The following ITSN1 variants were observed in gnomAD, a reference collection of about 807,000 sequenced individuals.
ITSN1 encodes the protein intersectin 1, also known as intersectin-1.
In ITSN1, 58 loss-of-function variants were observed where a neutral mutation model predicts 239.8. The observed-to-expected ratio is 0.24, with a 90% confidence interval of 0.20 to 0.30. ITSN1 has a LOEUF of 0.30. ITSN1 is among the 10% of genes least tolerant of loss of function. The pLI is 1.00. For synonymous variants in ITSN1, 780 were observed against 770.8 expected, an observed-to-expected ratio of 1.01 and a Z score of -0.20; for missense variants, 1,558 against 2,103.3, an observed-to-expected ratio of 0.74 and a Z score of 5.07.
chr21:33,823,596 A>G lies in ITSN1; in HGVS notation c.3126A>G (p.Thr1042=), dbSNP rs779378607. Residue 1042 remains threonine (T), a synonymous_variant, in exon 25 of 40, where the codon ACA becomes ACG. Coordinates refer to ENST00000381318, the MANE Select transcript of ITSN1 (RefSeq NM_003024.3). The part of the protein sequence containing the change: ...TKKDGDWWTG[T]VGDKAGVFPS... ...AAGATGGTGACTGGTGGACAGGAAC[A>G]GTGGGCGACAAGGCCGGAGTCTTCC... 2 of 1,614,124 alleles carry G rather than the reference A, an allele frequency of 1.2e-6. No homozygotes were observed. Among genetic ancestry groups the G allele is most frequent in the Admixed American group, 1.7e-5 (1 of 60,006 alleles).
intron 3 of ITSN1, among the ~76,000 whole-genome samples, chr21:33,721,628 T>C (rs370986407): frequency 1.3e-5 from 2 of 151,178 alleles, no homozygotes; most frequent in African/African-American, 4.9e-5. Context: ...AAACCCCGTC[T>C]CTACTAAAAA....
At chr21:33,743,791 G>A (rs1430627147) in intron 5 of ITSN1, among the ~76,000 whole-genome samples, 1 of 152,190 alleles carries the variant, frequency 6.6e-6, no homozygotes, top group African/African-American at 2.4e-5. Flanking sequence ...ATTAGATTAT[G>A]TTCAGATTTT....
chr21:33,862,112 C>T (rs531620513), intron 31 of ITSN1, among the ~76,000 whole-genome samples: 1 of 133,060 alleles, frequency 7.5e-6, no homozygotes, highest in African/African-American at 2.8e-5. Context: ...CTGCAGTAAA[C>T]CAAGATCGTG....
At chr21:33,668,475 G>A (rs1013228014) in intron 1 of ITSN1, among the ~76,000 whole-genome samples, 1 of 152,100 alleles carries the variant, frequency 6.6e-6, no homozygotes, top group African/African-American at 2.4e-5. Context: ...GGACATCCCC[G>A]CCTACTTCCC....
At chr21:33,755,521 C>G (rs2067846774) in intron 8 of ITSN1, 124 bp downstream of exon 8, 1 of 600,540 alleles carries the variant, frequency 1.7e-6, no homozygotes, top group African/African-American at 1.9e-5. Context: ...TCCTTTGTCT[C>G]TGTTATCTCA....
At chr21:33,801,946 T>TG (rs1389809979) in intron 19 of ITSN1, among the ~76,000 whole-genome samples, 2 of 152,250 alleles carry the variant, frequency 1.3e-5, no homozygotes, top group African/African-American at 4.8e-5. Flanking sequence ...GAAGCTACTT[T>TG]ACTCATACTG....
At position 33,890,866 on chromosome 21, in the gene ITSN1, C is replaced by G. The variant is rs1986316184; in HGVS notation, c.*2566C>G. ...CATCCTGATCCCAGCCTTTTAGACA[C>G]CCCTGCAAGCGTTCCTCTGCTCTGA... is the stretch of plus-strand genomic sequence containing the variant. On this transcript the variant is annotated 3_prime_UTR_variant, in exon 40 of 40. Transcript: ENST00000381318. 6.5e-6 allele frequency: 1 copy of G among 152,774 alleles called. No individual in the cohort carries two copies. Among genetic ancestry groups the G allele is most frequent in the Non-Finnish European group, 1.5e-5 (1 of 68,362 alleles). 9.5% of individuals were successfully genotyped at this position (152,774 alleles called of 1,614,324 possible). A position where few individuals can be genotyped will look rare whatever the true frequency, so the allele number is the denominator to read the frequency against.
chr21:33,737,076 A>G (rs1440219453), intron 5 of ITSN1, among the ~76,000 whole-genome samples: 1 of 152,184 alleles, frequency 6.6e-6, no homozygotes, highest in Non-Finnish European at 1.5e-5. Flanking sequence ...GAAAAGGTCA[A>G]ATGACTAGAG....
intron 15 of ITSN1, 129 bp from the exon 16 acceptor site, chr21:33,781,865 C>G: frequency 1.1e-6 from 1 of 886,302 alleles, no homozygotes; most frequent in Non-Finnish European, 1.7e-6. Context: ...AGGTGTAGGC[C>G]ACCGCACCCA....
rs2067581834 is a variant in ITSN1, at chr21:33,751,905, A to T, written c.622A>T (p.Ser208Cys). The change falls in exon 7 of 40, where the codon AGT (serine) becomes TGT (cysteine). Residue 208 changes from serine (S) to cysteine (C), a missense_variant and splice_region_variant. Ser to Cys is a moderately radical substitution (Grantham distance 112). Around this residue, in one of 2 missense-constraint regions of ITSN1, gnomAD observed 982 missense variants for 1,209.9 expected, o/e 0.81. Coordinates refer to ENST00000381318, the MANE Select transcript of ITSN1 (RefSeq NM_003024.3). ...AAAGGCACAGTCATTTGATGTGGCC[A>T]GGTAAGTTTGCTTGTTTTTAAATGG... ...LQKAQSFDVA[S>C]VPPVAEWAVP... is the part of the protein sequence containing the mutation. The T allele has an allele frequency of 6.2e-7, 1 of 1,608,746 alleles. No homozygotes were observed. Among genetic ancestry groups the T allele is most frequent in the Non-Finnish European group, 8.5e-7 (1 of 1,175,366 alleles).
At chr21:33,834,545 CTTGCT>C in intron 28 of ITSN1, 121 bp downstream of exon 28, 1 of 706,392 alleles carries the variant, frequency 1.4e-6, no homozygotes, top group Non-Finnish European at 2.5e-6. Context: ...ACTTCCTGTA[CTTGCT>C]GGGACTGACA....
chr21:33,663,358 A>G (rs547468926), intron 1 of ITSN1, among the ~76,000 whole-genome samples: 1 of 150,314 alleles, frequency 6.7e-6, no homozygotes, highest in East Asian at 2.0e-4. Flanking sequence ...ATAAAATTAT[A>G]CTGTAAATTA....
intron 18 of ITSN1, among the ~76,000 whole-genome samples, chr21:33,798,775 C>T (rs2071755538): frequency 6.6e-6 from 1 of 152,172 alleles, no homozygotes; most frequent in Non-Finnish European, 1.5e-5. Context: ...TTGCATTAGG[C>T]ACCTACCTGC....
At chr21:33,813,868 A>G (rs1336143051) in intron 21 of ITSN1, 45 bp from the exon 22 acceptor site, 5 of 1,566,164 alleles carry the variant, frequency 3.2e-6, no homozygotes, top group Non-Finnish European at 3.5e-6. Context: ...AAGCTGGTAT[A>G]TTAGGGAGTG....
At chr21:33,817,235 A>G (rs1312584721) in intron 22 of ITSN1, 1 of 1,297,666 alleles carries the variant, frequency 7.7e-7, no homozygotes, top group Admixed American at 2.3e-5. Context: ...TTCCAGCCTG[A>G]CTTCCTCCTC....
chr21:33,670,635 C>A (rs2090210925), intron 1 of ITSN1, among the ~76,000 whole-genome samples: 1 of 152,142 alleles, frequency 6.6e-6, no homozygotes, highest in Non-Finnish European at 1.5e-5. Flanking sequence ...GGTCTCAACC[C>A]TGTCAGACAA....
intron 29 of ITSN1, chr21:33,837,149 G>T: frequency 7.2e-7 from 1 of 1,391,020 alleles, no homozygotes. Context: ...CTGCAGAGCA[G>T]TTTACCTCAT....
At chr21:33,691,817 C>T (rs1452931580) in intron 1 of ITSN1, among the ~76,000 whole-genome samples, 1 of 152,146 alleles carries the variant, frequency 6.6e-6, no homozygotes, top group African/African-American at 2.4e-5. Flanking sequence ...TATAAGGGTA[C>T]CAATCCCATT....
At chr21:33,652,041 A>G (rs183122480) in intron 1 of ITSN1, among the ~76,000 whole-genome samples, 1,606 of 152,332 alleles carry the variant, frequency 0.011, 12 homozygotes, top group Non-Finnish European at 0.017. Flanking sequence ...TAAGGAAAGA[A>G]GACTAAAAGC....
Sources: gnomAD v4.1 joint callset for allele counts (sites outside exome capture counted in the v4.1 genomes callset) on GRCh38, gnomAD v4.1.1 for gene constraint, gnomAD v4.1.1 regional missense constraint, MANE v1.5 for transcripts, NCBI Gene and HGNC (gene_info 2026-07-23, HGNC 2026-07-21) for gene names.